Variants in LSM7 observed in about 807,000 individuals in gnomAD.
LSM7 encodes the protein U6 snRNA-associated Sm-like protein LSm7.
LSM7 carries 13 observed loss-of-function variants against 14.1 expected under a neutral mutation model. The ratio of observed to expected loss-of-function variants is 0.92; its 90% CI spans 0.60 to 1.47. The LOEUF (loss-of-function observed/expected upper bound fraction) is 1.47. Among genes scored for constraint, LSM7 ranks in the 40% most tolerant of loss-of-function variants. The pLI, the probability that LSM7 is intolerant of heterozygous loss-of-function variation, is 0.00. For missense variants in LSM7, 108 were observed against 140.8 expected, an observed-to-expected ratio of 0.77 and a Z score of 1.18; for synonymous variants, 70 against 57.1, an observed-to-expected ratio of 1.23 and a Z score of -1.02.
chr19:2,327,112 G>T (rs538760101), intron 2 of LSM7, among the ~76,000 whole-genome samples: 2 of 152,288 alleles, frequency 1.3e-5, no homozygotes, highest in Admixed American at 1.3e-4. Flanking sequence ...ATAATAAAAT[G>T]GTGCTGTTTC....
chr19:2,323,675 C>T (rs763681976), intron 3 of LSM7, among the ~76,000 whole-genome samples: 1 of 152,154 alleles, frequency 6.6e-6, no homozygotes, highest in African/African-American at 2.4e-5. Context: ...TGGTCTCAAA[C>T]TCCTGACCTC....
At chr19:2,328,349 T>G in intron 2 of LSM7, 38 bp downstream of exon 2, 7 of 1,579,022 alleles carry the variant, frequency 4.4e-6, no homozygotes, top group Non-Finnish European at 6.1e-6. Context: ...TATTTGAAAT[T>G]TTTAAAGAGG....
intron 2 of LSM7, among the ~76,000 whole-genome samples, chr19:2,326,646 C>T (rs1291065673): frequency 2.0e-5 from 3 of 151,824 alleles, no homozygotes; most frequent in African/African-American, 7.2e-5. Context: ...AATTGTTGTA[C>T]TTTTAGTAGA....
In LSM7 at chr19:2,321,904, A is replaced by G; in HGVS notation, c.170-82T>C. 8.1e-7 allele frequency: 1 copy of G among 1,235,680 alleles called. No individual in the cohort carries two copies. Among genetic ancestry groups the G allele is most frequent in the Non-Finnish European group, 1.0e-6 (1 of 963,396 alleles). The allele number at this position is 1,235,680 out of a possible 1,614,324, so 76.5% of individuals were successfully genotyped here. ...CCACCCACCCAAGACCCTCGCTCCGACCTCCCCACCTGCACCCTGCAGGCG... is the reference window on the plus strand; with the variant it reads ...CCACCCACCCAAGACCCTCGCTCCGGCCTCCCCACCTGCACCCTGCAGGCG... On this transcript the variant is annotated intron_variant, in intron 3 of 3. Coordinates refer to ENST00000252622, the MANE Select transcript of LSM7 (RefSeq NM_016199.3). This position sits in a 1 kb window ranked among gnomAD's most constrained non-coding sequence, Gnocchi z 5.0.
chr19:2,321,922 T>G lies in LSM7; in HGVS notation c.170-100A>C, dbSNP rs1967940471. 1 of 1,138,244 alleles carries G rather than the reference T, an allele frequency of 8.8e-7. No homozygotes were observed. The highest frequency in any genetic ancestry group is 1.1e-6 in the Non-Finnish European group (1 of 881,072). The allele number at this position is 1,138,244 out of a possible 1,614,324, so 70.5% of individuals were successfully genotyped here. A position where few individuals can be genotyped will look rare whatever the true frequency, so the allele number is the denominator to read the frequency against. Reference sequence around the variant, plus strand: ...CGCTCCGACCTCCCCACCTGCACCCTGCAGGCGCCACGAGCACGCAGGGAC... The same window carrying G: ...CGCTCCGACCTCCCCACCTGCACCCGGCAGGCGCCACGAGCACGCAGGGAC... On this transcript the variant is annotated intron_variant, in intron 3 of 3. Transcript: ENST00000252622. This position sits in a 1 kb window ranked among gnomAD's most constrained non-coding sequence, Gnocchi z 5.0.
At chr19:2,325,398 C>T (rs981291087) in intron 2 of LSM7, among the ~76,000 whole-genome samples, 3 of 131,328 alleles carry the variant, frequency 2.3e-5, no homozygotes, top group African/African-American at 7.7e-5. Context: ...GCAGCCACCC[C>T]CTCCCTGCTC....
chr19:2,324,378 G>T, intron 2 of LSM7, 182 bp from the exon 3 acceptor site: 1 of 599,092 alleles, frequency 1.7e-6, no homozygotes. Flanking sequence ...ACCACAGGCA[G>T]CAGACCACGT....
In LSM7 at chr19:2,328,375, G is replaced by A; in HGVS notation, c.97+12C>T. 6.2e-7 allele frequency: 1 copy of A among 1,613,144 alleles called. No individual in the cohort carries two copies. Among genetic ancestry groups the A allele is most frequent in the Non-Finnish European group, 8.5e-7 (1 of 1,179,332 alleles). On this transcript the variant is annotated intron_variant, in intron 2 of 3. Coordinates refer to ENST00000252622, the MANE Select transcript of LSM7 (RefSeq NM_016199.3). ...TTTAAAGAGGGGGTACCGACAGCGG[G>A]AGCCTCCTCACCTTCGCGGCCTCCC...
intron 3 of LSM7, 92 bp downstream of exon 3, chr19:2,324,033 C>G: frequency 1.3e-6 from 1 of 765,706 alleles, no homozygotes; most frequent in Non-Finnish European, 2.0e-6. Context: ...CACGGCTGCC[C>G]CCCTCGTCCC....
chr19:2,323,611 C>T (rs1193402520), intron 3 of LSM7, among the ~76,000 whole-genome samples: 6 of 152,170 alleles, frequency 3.9e-5, no homozygotes, highest in Admixed American at 6.5e-5. Context: ...CCACCACACC[C>T]AGCAATTTTT....
rs77028998 is a variant in LSM7 at position 2,321,940 on chromosome 19, G to A, written c.170-118C>T. 82,217 of 960,922 alleles carry A rather than the reference G, an allele frequency of 0.086. 4,769 individuals carry two copies. The highest frequency in any genetic ancestry group is 0.25 in the East Asian group (7,449 of 29,718). 59.5% of individuals were successfully genotyped at this position (960,922 alleles called of 1,614,324 possible). A position where few individuals can be genotyped will look rare whatever the true frequency, so the allele number is the denominator to read the frequency against. ...TGCACCCTGCAGGCGCCACGAGCACGCAGGGACCTCAGACGGGATGCGCTC... is the reference window on the plus strand; with the variant it reads ...TGCACCCTGCAGGCGCCACGAGCACACAGGGACCTCAGACGGGATGCGCTC... On this transcript the variant is annotated intron_variant, in intron 3 of 3. Transcript: ENST00000252622. This position sits in a 1 kb window ranked among gnomAD's most constrained non-coding sequence, Gnocchi z 5.0.
Position 2,321,874 on chromosome 19 carries a change from AC to A in LSM7, c.170-53del, listed in dbSNP as rs947783360. On this transcript the variant is annotated intron_variant, in intron 3 of 3. Transcript: ENST00000252622. This position sits in a 1 kb window ranked among gnomAD's most constrained non-coding sequence, Gnocchi z 5.0. ...GAGGGACCTCCAGGAAGCCTCCGAG[AC>A]CCCCCACCCACCCAAGACCCTCGCT... 7 of 1,341,130 alleles carry A rather than the reference AC, an allele frequency of 5.2e-6. No homozygotes were observed. Among genetic ancestry groups the A allele is most frequent in the African/African-American group, 1.5e-5 (1 of 65,238 alleles). 83.1% of individuals were successfully genotyped at this position (1,341,130 alleles called of 1,614,324 possible).
chr19:2,328,424 G>A lies in LSM7; in HGVS notation c.60C>T (p.Asp20=), dbSNP rs541422735. 2.4e-5 allele frequency: 39 copies of A among 1,613,956 alleles called. No homozygotes were observed. The South Asian group carries it at 3.7e-4, about 15-fold the overall frequency. The change falls in exon 2 of 4, where the codon GAC becomes GAT. Residue 20 remains aspartate (D), a synonymous_variant. Coordinates refer to ENST00000252622, the MANE Select transcript of LSM7 (RefSeq NM_016199.3). ...ESILDLSKYI[D]KTIRVKFQGG... ...CCTGGAACTTTACCCGGATCGTCTTGTCGATGTACTTGGACAAGTCCAAGA... is the reference window on the plus strand; with the variant it reads ...CCTGGAACTTTACCCGGATCGTCTTATCGATGTACTTGGACAAGTCCAAGA...
Position 2,321,815 on chromosome 19 carries a change from G to A in LSM7, c.177C>T (p.Asp59=), listed in dbSNP as rs747124782. 20 of 1,495,462 alleles carry A rather than the reference G, an allele frequency of 1.3e-5. No homozygotes were observed. Among genetic ancestry groups the A allele is most frequent in the Middle Eastern group, 1.7e-4 (1 of 5,738 alleles). The allele number at this position is 1,495,462 out of a possible 1,614,324, so 92.6% of individuals were successfully genotyped here. The change falls in exon 4 of 4, where the codon GAC becomes GAT. Residue 59 remains aspartate, a synonymous_variant. Transcript: ENST00000252622. This position sits in a 1 kb window ranked among gnomAD's most constrained non-coding sequence, Gnocchi z 5.0. The part of the protein sequence containing the change: ...DGTIEYMRDP[D]DQYKLTEDTR... ...TGTCCTCCGTGAGCTTGTACTGGTCGTCAGGGTCTGGGGAGGAGCAGATAG... is the reference window on the plus strand; with the variant it reads ...TGTCCTCCGTGAGCTTGTACTGGTCATCAGGGTCTGGGGAGGAGCAGATAG...
At chr19:2,324,611 G>C (rs920827219) in intron 2 of LSM7, 1 of 177,382 alleles carries the variant, frequency 5.6e-6, no homozygotes, top group African/African-American at 2.4e-5. Context: ...CTATTTAAAA[G>C]TCATAAAAAC....
At position 2,321,716 on chromosome 19, in the gene LSM7, G is replaced by A. The variant is rs1967936174; in HGVS notation, c.276C>T (p.Ala92=). Residue 92 remains alanine, a synonymous_variant, in exon 4 of 4, where the codon GCC becomes GCT. Transcript: ENST00000252622. This position sits in a 1 kb window ranked among gnomAD's most constrained non-coding sequence, Gnocchi z 5.0. The stretch of plus-strand genomic sequence containing the variant: ...GCTGCTGGATGAAGGGGTTGGGGAT[G>A]GCCTCCATGCCGTCCTGCGGGCAGA... ...VLICPQDGME[A]IPNPFIQQQD... is the part of the protein sequence containing the mutation. The A allele has an allele frequency of 2.6e-6, 4 of 1,567,570 alleles. No homozygotes were observed. The South Asian group carries it at 4.7e-5, about 19-fold the overall frequency.
At chr19:2,324,462 C>T in intron 2 of LSM7, 1 of 513,288 alleles carries the variant, frequency 1.9e-6, no homozygotes, top group Non-Finnish European at 3.6e-6. Context: ...CTGGCTCGGG[C>T]TGCCTGGGTG....
chr19:2,327,440 A>C (rs1968053044), intron 2 of LSM7, among the ~76,000 whole-genome samples: 1 of 152,068 alleles, frequency 6.6e-6, no homozygotes. Context: ...ACAGGGTTTC[A>C]CCACGTAGGC....
chr19:2,328,339 T>C (rs1458201321), intron 2 of LSM7, 48 bp downstream of exon 2: 1 of 1,513,694 alleles, frequency 6.6e-7, no homozygotes, highest in Non-Finnish European at 9.1e-7. Flanking sequence ...TTGCTGGGTT[T>C]ATTTGAAATT....
Sources: allele counts gnomAD v4.1 joint callset (sites outside exome capture counted in the v4.1 genomes callset), GRCh38; gene constraint gnomAD v4.1.1; non-coding constraint Gnocchi (gnomAD v3.1); transcripts MANE v1.5; gene names NCBI Gene and HGNC (gene_info 2026-07-23, HGNC 2026-07-21).